The following CPED1 variants were observed in gnomAD, a reference collection of about 807,000 sequenced individuals.
CPED1 encodes cadherin-like and PC-esterase domain-containing protein 1.
In CPED1, 114 loss-of-function variants were observed where a neutral mutation model predicts 128.2. The ratio of observed to expected loss-of-function variants is 0.89; its 90% CI spans 0.76 to 1.04. The LOEUF (loss-of-function observed/expected upper bound fraction) is 1.04. Ranked by LOEUF, CPED1 falls within the 50% of genes least tolerant of loss-of-function variation. The pLI, the probability that CPED1 is intolerant of heterozygous loss-of-function variation, is 0.00. For synonymous variants in CPED1, 462 were observed against 426.7 expected (o/e 1.08, Z -1.02); for missense variants, 1,211 against 1,207.1 (o/e 1.00, Z -0.05).
chr7:121,112,874 A>G (rs1468051263), intron 7 of CPED1, among the ~76,000 whole-genome samples: 1 of 152,196 alleles, frequency 6.6e-6, no homozygotes, highest in East Asian at 1.9e-4. Context: ...GTTATGGCAG[A>G]TTACCAGCAG....
chr7:121,188,093 T>C (rs1049169951), intron 16 of CPED1, among the ~76,000 whole-genome samples: 61 of 152,156 alleles, frequency 4.0e-4, no homozygotes, highest in African/African-American at 1.4e-3. Context: ...TTTAGTTATA[T>C]AAAATAGTGT....
At chr7:121,227,874 AG>A (rs1290521994) in intron 16 of CPED1, among the ~76,000 whole-genome samples, 2 of 152,116 alleles carry the variant, frequency 1.3e-5, no homozygotes, top group Non-Finnish European at 2.9e-5. Flanking sequence ...GTAAGTTGGA[AG>A]GCAGGTTAGA....
At chr7:121,141,042 A>G in intron 15 of CPED1, 29 bp downstream of exon 15, 1 of 1,575,496 alleles carries the variant, frequency 6.3e-7, no homozygotes, top group Non-Finnish European at 8.6e-7. Flanking sequence ...GGCTGTGTTG[A>G]GACACTATAC....
chr7:121,183,337 G>C (rs899671285), intron 16 of CPED1, among the ~76,000 whole-genome samples: 2 of 152,182 alleles, frequency 1.3e-5, no homozygotes, highest in African/African-American at 4.8e-5. Flanking sequence ...GAAATCTAGA[G>C]TTGGTGACAG....
intron 18 of CPED1, among the ~76,000 whole-genome samples, chr7:121,246,078 T>C (rs559807086): frequency 7.2e-5 from 11 of 152,286 alleles, no homozygotes; most frequent in African/African-American, 2.4e-4. Flanking sequence ...ACAATAGCTG[T>C]TGCCACACAG....
intron 3 of CPED1, among the ~76,000 whole-genome samples, chr7:121,039,330 C>G (rs1792985373): frequency 6.6e-6 from 1 of 151,960 alleles, no homozygotes; most frequent in Non-Finnish European, 1.5e-5. Flanking sequence ...TTTGTTGTTA[C>G]TTTTTTGTTT....
intron 7 of CPED1, among the ~76,000 whole-genome samples, chr7:121,123,158 G>A (rs798947): frequency 0.9 from 136,676 of 152,224 alleles, 61,407 homozygotes; most frequent in Middle Eastern, 0.99. Flanking sequence ...TAAAATGGAA[G>A]AACATCCCAA....
At chr7:121,090,804 C>T (rs959418068) in intron 5 of CPED1, among the ~76,000 whole-genome samples, 1 of 151,980 alleles carries the variant, frequency 6.6e-6, no homozygotes, top group African/African-American at 2.4e-5. Flanking sequence ...CAAAAATTAA[C>T]CGGGCATGGT....
At chr7:121,245,484 C>T (rs1055087214) in intron 18 of CPED1, among the ~76,000 whole-genome samples, 2 of 152,090 alleles carry the variant, frequency 1.3e-5, no homozygotes, top group African/African-American at 4.8e-5. Context: ...GTGTTTAATC[C>T]ACCGCCATAA....
intron 4 of CPED1, chr7:121,062,631 T>A (rs967072799): frequency 3.3e-5 from 5 of 152,186 alleles, no homozygotes; most frequent in African/African-American, 1.2e-4. Context: ...TTACAGCCTT[T>A]TCTCAATTCT....
chr7:121,119,507 G>T (rs1487741844), intron 7 of CPED1, among the ~76,000 whole-genome samples: 1 of 150,292 alleles, frequency 6.7e-6, no homozygotes, highest in Non-Finnish European at 1.5e-5. Context: ...GAAATTCTGA[G>T]GTATTTGGGT....
intron 7 of CPED1, among the ~76,000 whole-genome samples, chr7:121,105,931 T>C (rs549688102): frequency 1.3e-5 from 2 of 152,296 alleles, no homozygotes; most frequent in African/African-American, 4.8e-5. Context: ...AAGAAAACTA[T>C]TCATTAATGA....
intron 7 of CPED1, among the ~76,000 whole-genome samples, chr7:121,103,477 GATT>G (rs1306896233): frequency 1.3e-5 from 2 of 152,084 alleles, no homozygotes; most frequent in African/African-American, 4.8e-5. Flanking sequence ...AAAACAAATA[GATT>G]ATAACTCATC....
Position 121,117,098 on chromosome 7 carries a change from T to TATATAA in CPED1, c.919-7232_919-7231insTATAAA, listed in dbSNP as rs1226906588. Among the ~76,000 whole-genome samples, 268 of 134,648 alleles carry TATATAA rather than the reference T, an allele frequency of 2.0e-3. 1 individual carries two copies. The highest frequency in any genetic ancestry group is 0.012 in the Middle Eastern group (3 of 256). The allele number at this position is 134,648 out of a possible 152,430, so 88.3% of individuals were successfully genotyped here. Reference sequence around the variant, plus strand: ...CACATTATATATATATATATATATATAAATATATATATATATGTTTGAGAT... The same window carrying TATATAA: ...CACATTATATATATATATATATATATATATAAAAATATATATATATATGTTTGAGAT... On this transcript the variant is annotated intron_variant, in intron 7 of 22. Coordinates refer to ENST00000310396, the MANE Select transcript of CPED1 (RefSeq NM_024913.5).
At chr7:121,091,911 A>T (rs1432128266) in intron 5 of CPED1, among the ~76,000 whole-genome samples, 1 of 152,312 alleles carries the variant, frequency 6.6e-6, no homozygotes, top group East Asian at 1.9e-4. Flanking sequence ...AAATTAGATT[A>T]TGCATCTTTA....
intron 2 of CPED1, among the ~76,000 whole-genome samples, chr7:120,996,660 A>C (rs1796411382): frequency 6.6e-6 from 1 of 152,194 alleles, no homozygotes; most frequent in Admixed American, 6.5e-5. Flanking sequence ...TAAATATCAC[A>C]TGAGCACAGC....
intron 22 of CPED1, 122 bp from the exon 23 acceptor site, chr7:121,295,318 A>G (rs1012811382): frequency 5.0e-6 from 6 of 1,192,810 alleles, no homozygotes; most frequent in Non-Finnish European, 6.9e-6. Flanking sequence ...TATGTAAGTC[A>G]TAGTCATGCC....
At chr7:121,252,900 G>C (rs1411619880) in intron 18 of CPED1, among the ~76,000 whole-genome samples, 1 of 152,182 alleles carries the variant, frequency 6.6e-6, no homozygotes, top group Non-Finnish European at 1.5e-5. Context: ...GGAAGTTGGT[G>C]TGGCAATTCC....
intron 16 of CPED1, among the ~76,000 whole-genome samples, chr7:121,163,798 T>C (rs974658250): frequency 6.6e-6 from 1 of 152,186 alleles, no homozygotes. Context: ...ATCAGTTCAA[T>C]ATAAATAAGT....
Sources: allele counts gnomAD v4.1 joint callset (sites outside exome capture counted in the v4.1 genomes callset), GRCh38; gene constraint gnomAD v4.1.1; transcripts MANE v1.5; gene names NCBI Gene and HGNC (gene_info 2026-07-23, HGNC 2026-07-21).